Variants in NEMP2 observed in about 807,000 individuals in gnomAD.
NEMP2 encodes UPF0571 transmembrane protein.
In NEMP2, 53 loss-of-function variants were observed where a neutral mutation model predicts 54.2. The ratio of observed to expected loss-of-function variants is 0.98; its 90% CI spans 0.78 to 1.23. The LOEUF (loss-of-function observed/expected upper bound fraction) is 1.23. Ranked by LOEUF, NEMP2 falls within the 50% of genes most tolerant of loss-of-function variation. The probability of loss-of-function intolerance (pLI) is 0.00; values close to 1 mark genes in which losing one functional copy is unlikely to be tolerated. For synonymous variants in NEMP2, 197 were observed against 190.3 expected, an observed-to-expected ratio of 1.04 and a Z score of -0.29; for missense variants, 455 against 511.3, an observed-to-expected ratio of 0.89 and a Z score of 1.06.
chr2:190,545,099 T>G, the NEMP2 span, among the ~76,000 whole-genome samples: 1 of 150,388 alleles, frequency 6.6e-6, no homozygotes, highest in Admixed American at 6.7e-5. Flanking sequence ...AGACCCTGTC[T>G]CAAAAGTAAG....
chr2:190,556,960 A>T, the NEMP2 span, among the ~76,000 whole-genome samples: 3 of 152,226 alleles, frequency 2.0e-5, no homozygotes, highest in African/African-American at 7.2e-5. Flanking sequence ...TTCTTCACAG[A>T]TCTAGAAAAA....
chr2:190,500,934 C>G (rs373028020), downstream of NEMP2: 13 of 152,170 alleles, frequency 8.5e-5, 2 homozygotes, highest in African/African-American at 2.9e-4. This position sits in a 1 kb window ranked among gnomAD's most constrained non-coding sequence, Gnocchi z 5.3. Context: ...TTTAAATGGG[C>G]TTTGAGAAAA....
the NEMP2 span, among the ~76,000 whole-genome samples, chr2:190,439,342 C>T: frequency 6.6e-6 from 1 of 151,738 alleles, no homozygotes; most frequent in Non-Finnish European, 1.5e-5. This position sits in a 1 kb window ranked among gnomAD's most constrained non-coding sequence, Gnocchi z 5.8. Flanking sequence ...TGTTTAGGTT[C>T]TATTTTCTTT....
In NEMP2 at chr2:190,504,663, T is replaced by C. The variant is rs1559151215; in HGVS notation, c.*4526A>G. On this transcript the variant is annotated 3_prime_UTR_variant, in exon 9 of 9. Transcript: ENST00000409150. This position sits in a 1 kb window ranked among gnomAD's most constrained non-coding sequence, Gnocchi z 5.6. ...AGGTGTCAACAAAAGTAAACAATTT[T>C]ATAATCATTTAACAAATTATATACC... 1 of 152,210 alleles carries C rather than the reference T, an allele frequency of 6.6e-6. No homozygotes were observed. The highest frequency in any genetic ancestry group is 1.5e-5 in the Non-Finnish European group (1 of 68,038). 9.4% of individuals were successfully genotyped at this position (152,210 alleles called of 1,614,324 possible). A position where few individuals can be genotyped will look rare whatever the true frequency, so the allele number is the denominator to read the frequency against.
chr2:190,645,884 C>T, the NEMP2 span, among the ~76,000 whole-genome samples: 2 of 151,886 alleles, frequency 1.3e-5, no homozygotes, highest in South Asian at 4.1e-4. Flanking sequence ...AGAGACAAAA[C>T]ATTTTCCTTT....
At chr2:190,590,843 T>C in the NEMP2 span, among the ~76,000 whole-genome samples, 2 of 152,186 alleles carry the variant, frequency 1.3e-5, no homozygotes, top group Non-Finnish European at 2.9e-5. This position sits in a 1 kb window ranked among gnomAD's most constrained non-coding sequence, Gnocchi z 5.1. Flanking sequence ...TCTACCAGAA[T>C]TCATAAAACT....
chr2:190,526,065 C>T (rs115731559), intron 1 of NEMP2, among the ~76,000 whole-genome samples: 1 of 152,144 alleles, frequency 6.6e-6, no homozygotes, highest in South Asian at 2.1e-4. Context: ...AACAATAAGG[C>T]ACTAACAATA....
downstream of NEMP2, among the ~76,000 whole-genome samples, chr2:190,504,175 A>G (rs1690131821): frequency 6.6e-6 from 1 of 152,200 alleles, no homozygotes; most frequent in Non-Finnish European, 1.5e-5. The surrounding 1 kb of genome is among the most constrained non-coding windows in gnomAD (Gnocchi z 5.6). Context: ...TCTGGGCCTC[A>G]GGACCCACCT....
chr2:190,466,407 C>A, the NEMP2 span, among the ~76,000 whole-genome samples: 22,286 of 152,200 alleles, frequency 0.15, 1,846 homozygotes, highest in Middle Eastern at 0.22. Flanking sequence ...CAAATGCTGT[C>A]TTTCTTTCTG....
the NEMP2 span, chr2:190,436,915 A>G: frequency 1.9e-5 from 31 of 1,614,108 alleles, no homozygotes; most frequent in East Asian, 6.2e-4. This position sits in a 1 kb window ranked among gnomAD's most constrained non-coding sequence, Gnocchi z 5.3. Flanking sequence ...GGTAGTTGTC[A>G]TAATAGGAGA....
the NEMP2 span, among the ~76,000 whole-genome samples, chr2:190,576,702 T>C: frequency 6.6e-6 from 1 of 152,090 alleles, no homozygotes. Flanking sequence ...TGGATACATG[T>C]GGTGATAGCA....
At chr2:190,614,254 C>T in the NEMP2 span, among the ~76,000 whole-genome samples, 1 of 152,088 alleles carries the variant, frequency 6.6e-6, no homozygotes, top group South Asian at 2.1e-4. This position sits in a 1 kb window ranked among gnomAD's most constrained non-coding sequence, Gnocchi z 5.7. Flanking sequence ...GGTGCTTTTA[C>T]AGTGCACTTA....
chr2:190,444,977 A>G, the NEMP2 span: 44 of 414,392 alleles, frequency 1.1e-4, no homozygotes, highest in Non-Finnish European at 1.2e-4. Flanking sequence ...GAGCTAGTGT[A>G]GTCCAGGCCT....
chr2:190,624,930 T>C, the NEMP2 span: 1 of 152,232 alleles, frequency 6.6e-6, no homozygotes, highest in Non-Finnish European at 1.5e-5. Flanking sequence ...CATTAAATCA[T>C]CTATCATCAA....
chr2:190,460,740 G>A, the NEMP2 span, among the ~76,000 whole-genome samples: 1 of 152,210 alleles, frequency 6.6e-6, no homozygotes, highest in South Asian at 2.1e-4. Flanking sequence ...GGTGAGAGCT[G>A]AAGAATATCA....
At chr2:190,438,734 G>A in the NEMP2 span, among the ~76,000 whole-genome samples, 1 of 152,198 alleles carries the variant, frequency 6.6e-6, no homozygotes, top group East Asian at 1.9e-4. The surrounding 1 kb of genome is among the most constrained non-coding windows in gnomAD (Gnocchi z 5.2). Context: ...GTGTTTGTGT[G>A]TATTTAAATC....
In NEMP2 at chr2:190,506,535, AT is replaced by A. The variant is rs1003907912; in HGVS notation, c.*2653del. ...AAATCTAAATATATGAAATTTCCAG[AT>A]TTTTTTAAAAAGTCATAAATTGAAA... is the stretch of plus-strand genomic sequence containing the variant. On this transcript the variant is annotated 3_prime_UTR_variant, in exon 9 of 9. Transcript: ENST00000409150. The surrounding 1 kb of genome is among the most constrained non-coding windows in gnomAD (Gnocchi z 6.3). The A allele has an allele frequency of 6.6e-6, 1 of 152,282 alleles. No homozygotes were observed. Among genetic ancestry groups the A allele is most frequent in the East Asian group, 1.9e-4 (1 of 5,186 alleles). 9.4% of individuals were successfully genotyped at this position (152,282 alleles called of 1,614,324 possible). A position where few individuals can be genotyped will look rare whatever the true frequency, so the allele number is the denominator to read the frequency against.
chr2:190,450,549 G>A, the NEMP2 span, among the ~76,000 whole-genome samples: 1 of 122,386 alleles, frequency 8.2e-6, no homozygotes, highest in South Asian at 2.8e-4. Context: ...CTGGAATGCA[G>A]TGATGCAATC....
chr2:190,510,797 C>T lies in NEMP2; in HGVS notation c.954-260G>A, dbSNP rs1356803698. Among the ~76,000 whole-genome samples, 4 of 150,862 alleles carry T rather than the reference C, an allele frequency of 2.7e-5. No homozygotes were observed. The highest frequency in any genetic ancestry group is 1.3e-4 in the Admixed American group (2 of 15,076). Reference sequence around the variant, plus strand: ...TTGGGAGGCTGAGGCAGGAGAATGGCGTGAACCTGGGAGGCAGAGGTTGCA... The same window carrying T: ...TTGGGAGGCTGAGGCAGGAGAATGGTGTGAACCTGGGAGGCAGAGGTTGCA... On this transcript the variant is annotated intron_variant, in intron 7 of 8. Transcript: ENST00000409150. The surrounding 1 kb of genome is among the most constrained non-coding windows in gnomAD (Gnocchi z 5.7).
Sources: allele counts gnomAD v4.1 joint callset (sites outside exome capture counted in the v4.1 genomes callset), GRCh38; gene constraint gnomAD v4.1.1; non-coding constraint Gnocchi (gnomAD v3.1); transcripts MANE v1.5; gene names NCBI Gene and HGNC (gene_info 2026-07-23, HGNC 2026-07-21).